The following GAS7 variants were observed in gnomAD, a reference collection of about 807,000 sequenced individuals.
The protein encoded by GAS7 is growth arrest specific 7, also known as growth arrest-specific protein 7.
In GAS7, 28 loss-of-function variants were observed where a neutral mutation model predicts 71.1. That is an observed-to-expected ratio of 0.39 (90% CI 0.29 to 0.54). GAS7 has a LOEUF of 0.54. Among genes scored for constraint, GAS7 ranks in the 20% least tolerant of loss-of-function variants. GAS7 has a pLI of 0.62. For missense variants in GAS7, 436 were observed against 627.8 expected, an observed-to-expected ratio of 0.69 and a Z score of 3.27; for synonymous variants, 258 against 245.8, an observed-to-expected ratio of 1.05 and a Z score of -0.46.
chr17:10,060,096 AAGGC>A (rs1567574499), intron 1 of GAS7, among the ~76,000 whole-genome samples: 1 of 151,982 alleles, frequency 6.6e-6, no homozygotes, highest in Non-Finnish European at 1.5e-5. Context: ...GAGTGGACCC[AAGGC>A]CAAGACACTG....
chr17:10,063,036 A>G (rs1247792399), intron 1 of GAS7, among the ~76,000 whole-genome samples: 5 of 152,226 alleles, frequency 3.3e-5, no homozygotes, highest in Non-Finnish European at 7.3e-5. Flanking sequence ...CCCACAGCAA[A>G]GGCAACCCTT....
intron 1 of GAS7, among the ~76,000 whole-genome samples, chr17:10,027,563 C>T (rs964412255): frequency 1.3e-5 from 2 of 152,240 alleles, no homozygotes; most frequent in African/African-American, 4.8e-5. Flanking sequence ...AGCAGCTTCA[C>T]GCGGTATTCA....
chr17:9,946,944 C>G lies in GAS7; in HGVS notation c.565G>C (p.Glu189Gln). ...TCGGTTGGTTTCAGCAGCTGCTGTTCCGGCATCGTGTCTGGGTGAGGGAAC... is the reference window on the plus strand; with the variant it reads ...TCGGTTGGTTTCAGCAGCTGCTGTTGCGGCATCGTGTCTGGGTGAGGGAAC... ...VTFPHPDTMP[E>Q]QQLLKPTEWS... The change falls in exon 6 of 14, where the codon GAA (glutamate) becomes CAA (glutamine). Residue 189 changes from glutamate (E) to glutamine (Q), a missense_variant. Transcript: ENST00000432992. 2 of 1,613,414 alleles carry G rather than the reference C, an allele frequency of 1.2e-6. No individual in the cohort carries two copies. Among genetic ancestry groups the G allele is most frequent in the Non-Finnish European group, 1.7e-6 (2 of 1,179,412 alleles).
rs551467053 is a variant in GAS7 at position 10,054,985 on chromosome 17, G to C, written c.184-35088C>G. On this transcript the variant is annotated intron_variant, in intron 1 of 13. Transcript: ENST00000432992. ...TCAGCTGAGAAGGTTTGGAAGTGGA[G>C]GAGGTGCGTAAGAAAGCTGAAACAG... Among the ~76,000 whole-genome samples, 7 of 152,342 alleles carry C rather than the reference G, an allele frequency of 4.6e-5. No homozygotes were observed. In the South Asian group the frequency reaches 1.0e-3, roughly 23 times the overall value.
Position 9,911,494 on chromosome 17 carries a change from AC to A in GAS7, c.*5733del, listed in dbSNP as rs2067435547. 2 of 232,058 alleles carry A rather than the reference AC, an allele frequency of 8.6e-6. No homozygotes were observed. Among genetic ancestry groups the A allele is most frequent in the East Asian group, 1.2e-4 (2 of 16,524 alleles). The allele number at this position is 232,058 out of a possible 1,614,324, so 14.4% of individuals were successfully genotyped here. A position where few individuals can be genotyped will look rare whatever the true frequency, so the allele number is the denominator to read the frequency against. On this transcript the variant is annotated 3_prime_UTR_variant, in exon 14 of 14. Transcript: ENST00000432992. The surrounding 1 kb of genome is among the most constrained non-coding windows in gnomAD (Gnocchi z 4.0). The stretch of plus-strand genomic sequence containing the variant: ...AAGGCCATCGCCCCAACCTCACCCC[AC>A]CCCCAGAGACACCTCCCAGGAAGCC...
At chr17:10,050,066 C>G (rs1204793527) in intron 1 of GAS7, among the ~76,000 whole-genome samples, 1 of 152,110 alleles carries the variant, frequency 6.6e-6, no homozygotes, top group African/African-American at 2.4e-5. Context: ...TCCATGTTTT[C>G]TATAATGAGC....
chr17:10,071,829 T>C (rs1447760262), intron 1 of GAS7, among the ~76,000 whole-genome samples: 1 of 149,480 alleles, frequency 6.7e-6, no homozygotes, highest in Admixed American at 6.7e-5. Context: ...CCCAGCTACC[T>C]GGGAGGCTAA....
chr17:9,918,246 T>C, intron 12 of GAS7, 147 bp from the exon 13 acceptor site: 1 of 615,272 alleles, frequency 1.6e-6, no homozygotes, highest in Non-Finnish European at 2.9e-6. Flanking sequence ...GTGCCCCATA[T>C]CTAAGGTGAA....
At chr17:10,015,629 G>A (rs369858983) in intron 2 of GAS7, among the ~76,000 whole-genome samples, 2 of 152,272 alleles carry the variant, frequency 1.3e-5, no homozygotes, top group South Asian at 2.1e-4. Flanking sequence ...CATCCCTACA[G>A]CCAAACAAAA....
chr17:10,121,981 G>A (rs3764429), intron 1 of GAS7, among the ~76,000 whole-genome samples: 15,154 of 152,076 alleles, frequency 0.1, 862 homozygotes, highest in Middle Eastern at 0.18. Flanking sequence ...CCAAAAACAC[G>A]TGCCTCGCCT....
chr17:10,189,745 C>T (rs747600732), intron 1 of GAS7, among the ~76,000 whole-genome samples: 4 of 152,090 alleles, frequency 2.6e-5, no homozygotes, highest in Non-Finnish European at 5.9e-5. Context: ...TGGAGACCAG[C>T]CTGGCCAACA....
chr17:10,044,999 C>G (rs2072928565), intron 1 of GAS7, among the ~76,000 whole-genome samples: 1 of 147,890 alleles, frequency 6.8e-6, no homozygotes, highest in Admixed American at 6.8e-5. Flanking sequence ...AGAGATCGTG[C>G]CACTGCACTC....
rs532127125 is a variant in GAS7, at chr17:10,165,977, G to A, written c.183+32231C>T. Among the ~76,000 whole-genome samples the A allele has an allele frequency of 5.9e-5, 9 of 151,976 alleles. No homozygotes were observed. The South Asian group carries it at 1.9e-3, about 32-fold the overall frequency. Reference sequence around the variant, plus strand: ...AGAGGTCTCAGAGCAAAAGGCACCAGGAACCCAGGACTCCTGGCTTTCTTT... The same window carrying A: ...AGAGGTCTCAGAGCAAAAGGCACCAAGAACCCAGGACTCCTGGCTTTCTTT... On this transcript the variant is annotated intron_variant, in intron 1 of 13. Transcript: ENST00000432992.
chr17:9,975,494 C>T (rs2070158293), intron 3 of GAS7, among the ~76,000 whole-genome samples: 1 of 151,472 alleles, frequency 6.6e-6, no homozygotes, highest in Admixed American at 6.6e-5. Context: ...TCCTTCCTCC[C>T]TTCCTTCTAC....
chr17:9,970,700 T>A (rs1006251505), intron 3 of GAS7, among the ~76,000 whole-genome samples: 3 of 152,094 alleles, frequency 2.0e-5, no homozygotes, highest in African/African-American at 7.2e-5. Flanking sequence ...CTTATAACTT[T>A]ATGTCTCTTG....
intron 1 of GAS7, among the ~76,000 whole-genome samples, chr17:10,191,870 AT>A (rs1310136788): frequency 1.9e-5 from 2 of 108,050 alleles, no homozygotes; most frequent in Non-Finnish European, 3.8e-5. Flanking sequence ...GCAAGACTCC[AT>A]CTCAAAAAAA....
At chr17:10,041,022 C>T (rs891761151) in intron 1 of GAS7, among the ~76,000 whole-genome samples, 1 of 151,940 alleles carries the variant, frequency 6.6e-6, no homozygotes, top group Non-Finnish European at 1.5e-5. Context: ...ATTAGCCAGG[C>T]GTGGTGGTGT....
chr17:10,005,064 T>C (rs1056681368), intron 2 of GAS7, among the ~76,000 whole-genome samples: 1 of 140,032 alleles, frequency 7.1e-6, no homozygotes, highest in Non-Finnish European at 1.5e-5. Context: ...CATATATGTG[T>C]GTATGCACGC....
At chr17:10,164,862 A>AC (rs2074281507) in intron 1 of GAS7, among the ~76,000 whole-genome samples, 1 of 150,174 alleles carries the variant, frequency 6.7e-6, no homozygotes, top group Admixed American at 6.6e-5. Flanking sequence ...AAAAAAAAAA[A>AC]AAAAGGCTGG....
Sources: allele counts gnomAD v4.1 joint callset (sites outside exome capture counted in the v4.1 genomes callset), GRCh38; gene constraint gnomAD v4.1.1; non-coding constraint Gnocchi (gnomAD v3.1); transcripts MANE v1.5; gene names NCBI Gene and HGNC (gene_info 2026-07-23, HGNC 2026-07-21).